Variants in DPY19L1 observed in about 807,000 individuals in gnomAD.
DPY19L1 encodes the protein protein C-mannosyl-transferase DPY19L1.
Under a neutral mutation model 96.9 loss-of-function variants are expected in DPY19L1, and 35 were observed. That is an observed-to-expected ratio of 0.36 (90% CI 0.28 to 0.48). The LOEUF is 0.48. Among genes scored for constraint, DPY19L1 ranks in the 20% least tolerant of loss-of-function variants. DPY19L1 has a pLI of 0.99. For synonymous variants in DPY19L1, 205 were observed against 252.6 expected, an observed-to-expected ratio of 0.81 and a Z score of 1.79; for missense variants, 521 against 777.9, an observed-to-expected ratio of 0.67 and a Z score of 3.93.
At chr7:35,035,678 G>A (rs1786376403) in intron 1 of DPY19L1, among the ~76,000 whole-genome samples, 1 of 152,148 alleles carries the variant, frequency 6.6e-6, no homozygotes, top group South Asian at 2.1e-4. Flanking sequence ...ACACCTTTTA[G>A]TTATGATCCT....
chr7:34,947,575 G>T, intron 15 of DPY19L1, 55 bp downstream of exon 15: 1 of 1,503,382 alleles, frequency 6.7e-7, no homozygotes, highest in Non-Finnish European at 9.1e-7. Flanking sequence ...CGACTACTAT[G>T]TAAAAACAAG....
chr7:35,018,312 T>A (rs1253017722), intron 2 of DPY19L1, among the ~76,000 whole-genome samples: 1 of 152,212 alleles, frequency 6.6e-6, no homozygotes, highest in East Asian at 1.9e-4. Flanking sequence ...AATAAATTAA[T>A]CTCTCTCTCA....
rs1584193525 is a variant in DPY19L1, at chr7:34,931,328, A to C, written c.*245T>G. The C allele has an allele frequency of 1.7e-5, 6 of 344,160 alleles. No homozygotes were observed. Among genetic ancestry groups the C allele is most frequent in the African/African-American group, 1.3e-4 (6 of 47,076 alleles). 21.3% of individuals were successfully genotyped at this position (344,160 alleles called of 1,614,324 possible). A position where few individuals can be genotyped will look rare whatever the true frequency, so the allele number is the denominator to read the frequency against. Reference sequence around the variant, plus strand: ...TTGCTCACTTTAGCACAAATATTAAAGTCAAGTACAAGCATATACTCATTT... The same window carrying C: ...TTGCTCACTTTAGCACAAATATTAACGTCAAGTACAAGCATATACTCATTT... On this transcript the variant is annotated 3_prime_UTR_variant, in exon 22 of 22. Transcript: ENST00000638088.
chr7:35,037,822 T>A, upstream of DPY19L1: 1 of 1,227,936 alleles, frequency 8.1e-7, no homozygotes, highest in Non-Finnish European at 1.0e-6. Context: ...CCACACCTCT[T>A]CGGCGCCCGC....
At position 34,965,586 on chromosome 7, in the gene DPY19L1, C is replaced by A. The variant is rs1160058491; in HGVS notation, c.1092+1308G>T. Among the ~76,000 whole-genome samples the A allele has an allele frequency of 2.0e-5, 3 of 152,062 alleles. No individual in the cohort carries two copies. In the East Asian group the frequency reaches 5.8e-4, roughly 29 times the overall value. On this transcript the variant is annotated intron_variant, in intron 10 of 21. Transcript: ENST00000638088. ...AAAAGTAACAATAAAGTTCTATTAT[C>A]CATTTGGAGAGTAGGCTCCTGGTTG...
chr7:34,986,308 C>CA (rs1179591750), intron 7 of DPY19L1, among the ~76,000 whole-genome samples: 2 of 151,936 alleles, frequency 1.3e-5, no homozygotes, highest in East Asian at 1.9e-4. Context: ...ATTCTCACCA[C>CA]AAAAAATGCT....
chr7:34,931,391 C>A lies in DPY19L1; in HGVS notation c.*182G>T. The stretch of plus-strand genomic sequence containing the variant: ...TTAAAGGGTGCATTGAAATAGTAAC[C>A]AATTGATAAAGGTGTAAGTCATTTT... On this transcript the variant is annotated 3_prime_UTR_variant, in exon 22 of 22. Coordinates refer to ENST00000638088, the MANE Select transcript of DPY19L1 (RefSeq NM_001366673.1). 1.3e-6 allele frequency: 1 copy of A among 786,036 alleles called. No individual in the cohort carries two copies. The highest frequency in any genetic ancestry group is 4.3e-5 in the South Asian group (1 of 23,022). 48.7% of individuals were successfully genotyped at this position (786,036 alleles called of 1,614,324 possible).
At chr7:35,036,993 G>GGGCCCCTTC (rs1479907050) in intron 1 of DPY19L1, 104 bp downstream of exon 1, 1 of 146,654 alleles carries the variant, frequency 6.8e-6, no homozygotes. Context: ...GCTCGGCGCG[G>GGGCCCCTTC]CGGAAGCGGG....
rs542628716 is a variant in DPY19L1, at chr7:34,983,780, G to A, written c.822+6104C>T. On this transcript the variant is annotated intron_variant, in intron 7 of 21. Coordinates refer to ENST00000638088, the MANE Select transcript of DPY19L1 (RefSeq NM_001366673.1). ...TTAGAATCCCCAAAGAAGAAGAGAG[G>A]AAGAATGGGGAAAATAAAGTATTTA... Among the ~76,000 whole-genome samples, 846 of 151,984 alleles carry A rather than the reference G, an allele frequency of 5.6e-3. 4 individuals carry two copies. Among genetic ancestry groups the A allele is most frequent in the Non-Finnish European group, 9.2e-3 (627 of 67,972 alleles).
At chr7:35,011,833 C>T (rs1785718826) in intron 4 of DPY19L1, among the ~76,000 whole-genome samples, 1 of 151,956 alleles carries the variant, frequency 6.6e-6, no homozygotes. Context: ...AAAATAATTC[C>T]AGTCAAAATT....
At chr7:34,989,092 CAG>C (rs1458186494) in intron 7 of DPY19L1, among the ~76,000 whole-genome samples, 1 of 152,126 alleles carries the variant, frequency 6.6e-6, no homozygotes, top group Non-Finnish European at 1.5e-5. Flanking sequence ...AACCTGGATC[CAG>C]AGTCTATATT....
chr7:34,954,677 T>G (rs1784339844), intron 13 of DPY19L1, 21 bp downstream of exon 13: 4 of 1,439,906 alleles, frequency 2.8e-6, no homozygotes, highest in Non-Finnish European at 3.8e-6. Context: ...TCTTTCAAAT[T>G]TAAGTAAAAA....
chr7:34,940,199 C>T lies in DPY19L1; in HGVS notation c.1818G>A (p.Leu606=). 1.2e-6 allele frequency: 2 copies of T among 1,602,014 alleles called. No individual in the cohort carries two copies. The highest frequency in any genetic ancestry group is 1.7e-4 in the Middle Eastern group (1 of 5,844). ...TCCATTCTATAAGTTCTTCTTGGGG[C>T]AAATTGCTGAACTCCCCTACAATAT... is the stretch of plus-strand genomic sequence containing the variant. ...QWNIVGEFSN[L]PQEELIEWIK... The change falls in exon 19 of 22, where the codon TTG becomes TTA. Residue 606 remains leucine (L), a synonymous_variant. Coordinates refer to ENST00000638088, the MANE Select transcript of DPY19L1 (RefSeq NM_001366673.1).
rs1239761292 is a variant in DPY19L1, at chr7:35,018,188, T to C, written c.324-219A>G. Among the ~76,000 whole-genome samples, 3 of 152,158 alleles carry C rather than the reference T, an allele frequency of 2.0e-5. No individual in the cohort carries two copies. In the East Asian group the frequency reaches 5.8e-4, roughly 29 times the overall value. ...ATCAAATTAGATTTTAAAATTAAAA[T>C]GAACCAGAATATTTTAAGTGAAGTA... is the stretch of plus-strand genomic sequence containing the variant. On this transcript the variant is annotated intron_variant, in intron 2 of 21. Coordinates refer to ENST00000638088, the MANE Select transcript of DPY19L1 (RefSeq NM_001366673.1).
At chr7:34,959,899 ATATATATATATATATATATATATATT>A (rs1392733322) in intron 10 of DPY19L1, among the ~76,000 whole-genome samples, 1 of 34,422 alleles carries the variant, frequency 2.9e-5, no homozygotes, top group Non-Finnish European at 4.8e-5. Context: ...TTGTATATAA[ATATATATATATATATATATATATATT>A]TATATATATA....
At chr7:35,007,422 C>T (rs1785586491) in intron 6 of DPY19L1, among the ~76,000 whole-genome samples, 1 of 152,192 alleles carries the variant, frequency 6.6e-6, no homozygotes, top group Non-Finnish European at 1.5e-5. Context: ...CAGAGTGAAA[C>T]AAGCTATAGC....
chr7:34,971,336 G>A (rs1427105509), intron 8 of DPY19L1, among the ~76,000 whole-genome samples: 1 of 152,184 alleles, frequency 6.6e-6, no homozygotes, highest in African/African-American at 2.4e-5. Flanking sequence ...AAAGACTGCA[G>A]TGTCCAAGAA....
At chr7:34,934,128 T>C (rs535551869) in intron 21 of DPY19L1, among the ~76,000 whole-genome samples, 1 of 152,138 alleles carries the variant, frequency 6.6e-6, no homozygotes, top group East Asian at 1.9e-4. Flanking sequence ...CACGCCCAGC[T>C]AAGTTTTTGT....
intron 1 of DPY19L1, among the ~76,000 whole-genome samples, chr7:35,032,816 T>C (rs1216286823): frequency 6.6e-6 from 1 of 152,128 alleles, no homozygotes; most frequent in Admixed American, 6.5e-5. Flanking sequence ...AACTCCTTCC[T>C]TTCCCTCAAT....
Sources: gnomAD v4.1 joint callset for allele counts (sites outside exome capture counted in the v4.1 genomes callset) on GRCh38, gnomAD v4.1.1 for gene constraint, MANE v1.5 for transcripts, NCBI Gene and HGNC (gene_info 2026-07-23, HGNC 2026-07-21) for gene names.